Variants in SLC24A2 observed in about 807,000 individuals in gnomAD.
SLC24A2 encodes the protein sodium/potassium/calcium exchanger 2.
A neutral mutation model predicts 62.0 loss-of-function variants in SLC24A2; 36 were observed. The observed-to-expected ratio is 0.58, with a 90% CI of 0.44 to 0.77. The LOEUF (loss-of-function observed/expected upper bound fraction) is 0.77. Ranked by LOEUF, SLC24A2 falls within the 30% of genes least tolerant of loss-of-function variation. The pLI, the probability that SLC24A2 is intolerant of heterozygous loss-of-function variation, is 0.00. For missense variants in SLC24A2, 846 were observed against 817.9 expected, an observed-to-expected ratio of 1.03 and a Z score of -0.42; for synonymous variants, 358 against 294.0, an observed-to-expected ratio of 1.22 and a Z score of -2.23.
At chr9:20,170,163 T>C in the SLC24A2 span, among the ~76,000 whole-genome samples, 1 of 150,358 alleles carries the variant, frequency 6.7e-6, no homozygotes, top group African/African-American at 2.4e-5. Flanking sequence ...TAAGAAGACA[T>C]GAACAAAGCC....
the SLC24A2 span, among the ~76,000 whole-genome samples, chr9:20,103,105 A>T: frequency 6.6e-6 from 1 of 152,226 alleles, no homozygotes; most frequent in Non-Finnish European, 1.5e-5. Context: ...CTAGCAAAGC[A>T]GTCTGAGATC....
At chr9:20,013,764 A>C in the SLC24A2 span, among the ~76,000 whole-genome samples, 6 of 152,230 alleles carry the variant, frequency 3.9e-5, no homozygotes, top group African/African-American at 1.4e-4. Flanking sequence ...AAAAATGGGC[A>C]AAGGAGCAGA....
intron 2 of SLC24A2, among the ~76,000 whole-genome samples, chr9:19,711,542 A>G (rs879400969): frequency 1.3e-5 from 2 of 152,246 alleles, no homozygotes; most frequent in Non-Finnish European, 2.9e-5. Context: ...CCTAATTCTT[A>G]TCTTAGTTTT....
At chr9:20,094,987 A>G in the SLC24A2 span, among the ~76,000 whole-genome samples, 5 of 152,298 alleles carry the variant, frequency 3.3e-5, no homozygotes, top group Non-Finnish European at 7.4e-5. Context: ...AAGCTATTAA[A>G]AAGCTACCTT....
chr9:19,820,282 G>C, the SLC24A2 span, among the ~76,000 whole-genome samples: 5 of 149,692 alleles, frequency 3.3e-5, no homozygotes, highest in Non-Finnish European at 7.4e-5. Flanking sequence ...TGGGGGTTTG[G>C]GGGGAAGAGT....
the SLC24A2 span, among the ~76,000 whole-genome samples, chr9:19,903,978 C>A: frequency 2.0e-5 from 3 of 152,272 alleles, no homozygotes; most frequent in Non-Finnish European, 4.4e-5. Context: ...GTGGCTGAGA[C>A]CATGGATGTT....
intron 2 of SLC24A2, among the ~76,000 whole-genome samples, chr9:19,662,988 A>C (rs796703152): frequency 3.3e-5 from 5 of 152,352 alleles, no homozygotes; most frequent in African/African-American, 9.6e-5. Flanking sequence ...GCATATGCTA[A>C]ACAAAACGTC....
At chr9:19,543,710 G>A (rs112187436) in intron 8 of SLC24A2, among the ~76,000 whole-genome samples, 1 of 152,166 alleles carries the variant, frequency 6.6e-6, no homozygotes, top group Non-Finnish European at 1.5e-5. Context: ...TCAGGAGCAT[G>A]TTGTTCAATT....
chr9:19,835,674 G>T, the SLC24A2 span, among the ~76,000 whole-genome samples: 8 of 152,112 alleles, frequency 5.3e-5, no homozygotes, highest in East Asian at 3.9e-4. Flanking sequence ...CAACGAGACA[G>T]AAAGTTAACA....
chr9:19,863,475 C>G, the SLC24A2 span, among the ~76,000 whole-genome samples: 9 of 151,946 alleles, frequency 5.9e-5, no homozygotes, highest in Non-Finnish European at 1.3e-4. Flanking sequence ...GGTCACAAAT[C>G]AAGTCTCAAA....
At chr9:19,663,271 C>T (rs542793236) in intron 2 of SLC24A2, among the ~76,000 whole-genome samples, 1 of 152,276 alleles carries the variant, frequency 6.6e-6, no homozygotes, top group African/African-American at 2.4e-5. Context: ...GAATAAGAGT[C>T]CATGTCTGTG....
the SLC24A2 span, among the ~76,000 whole-genome samples, chr9:19,972,309 G>A: frequency 6.6e-6 from 1 of 152,104 alleles, no homozygotes; most frequent in Non-Finnish European, 1.5e-5. Context: ...CGTTAGTCAG[G>A]GGGCTTTACT....
the SLC24A2 span, among the ~76,000 whole-genome samples, chr9:20,104,700 C>CACT: frequency 6.6e-6 from 1 of 152,140 alleles, no homozygotes; most frequent in Non-Finnish European, 1.5e-5. Flanking sequence ...CTGAAGGAAG[C>CACT]ACTAAACATG....
chr9:19,577,218 G>A (rs1455760392), intron 5 of SLC24A2, among the ~76,000 whole-genome samples, 196 bp from the exon 6 acceptor site: 1 of 152,090 alleles, frequency 6.6e-6, no homozygotes, highest in Non-Finnish European at 1.5e-5. Flanking sequence ...TTCTCTATTT[G>A]AGAATCTCTT....
At chr9:20,031,103 T>G in the SLC24A2 span, among the ~76,000 whole-genome samples, 1 of 151,882 alleles carries the variant, frequency 6.6e-6, no homozygotes, top group Non-Finnish European at 1.5e-5. Context: ...TAGATATATA[T>G]GTATACACAC....
chr9:19,826,196 C>G, the SLC24A2 span, among the ~76,000 whole-genome samples: 3 of 144,408 alleles, frequency 2.1e-5, no homozygotes, highest in African/African-American at 7.6e-5. Flanking sequence ...AAAAAAGGCT[C>G]AGCAAACACT....
chr9:19,573,615 G>C lies in SLC24A2; in HGVS notation c.1229-146C>G, dbSNP rs992505769. 4.1e-5 allele frequency: 31 copies of C among 751,954 alleles called. No homozygotes were observed. In the South Asian group the frequency reaches 4.3e-4, roughly 11 times the overall value. The allele number at this position is 751,954 out of a possible 1,614,324, so 46.6% of individuals were successfully genotyped here. ...TGAAAAGAGTTTCCTAAAATGTTGG[G>C]CTAAAGCAGAGGATAGTGGTGTCCC... On this transcript the variant is annotated intron_variant, in intron 6 of 10. Coordinates refer to ENST00000341998, the MANE Select transcript of SLC24A2 (RefSeq NM_020344.4).
At chr9:20,100,080 G>A in the SLC24A2 span, among the ~76,000 whole-genome samples, 1 of 151,906 alleles carries the variant, frequency 6.6e-6, no homozygotes, top group South Asian at 2.1e-4. Context: ...GTGCAGTGGT[G>A]CAATTGACAG....
At chr9:20,258,072 A>G in the SLC24A2 span, among the ~76,000 whole-genome samples, 1 of 151,920 alleles carries the variant, frequency 6.6e-6, no homozygotes, top group South Asian at 2.1e-4. Flanking sequence ...TCCTCTCCCA[A>G]CCCCCTACAC....
Sources: allele counts gnomAD v4.1 joint callset (sites outside exome capture counted in the v4.1 genomes callset), GRCh38; gene constraint gnomAD v4.1.1; transcripts MANE v1.5; gene names NCBI Gene and HGNC (gene_info 2026-07-23, HGNC 2026-07-21).